The following MACF1 variants were observed in gnomAD, a reference collection of about 807,000 sequenced individuals.
MACF1 encodes microtubule-actin cross-linking factor 1.
In MACF1, 193 loss-of-function variants were observed where a neutral mutation model predicts 854.8. The ratio of observed to expected loss-of-function variants is 0.23; its 90% CI spans 0.20 to 0.25. The LOEUF (loss-of-function observed/expected upper bound fraction) is 0.25, where lower values mean the gene tolerates loss of function less well. Among genes scored for constraint, MACF1 ranks in the 10% least tolerant of loss-of-function variants. The pLI is 1.00. For missense variants in MACF1, 7,722 were observed against 8,929.1 expected, an observed-to-expected ratio of 0.86 and a Z score of 5.45; for synonymous variants, 3,185 against 3,226.7, an observed-to-expected ratio of 0.99 and a Z score of 0.44.
At chr1:39,327,702 A>G (rs1327253555) in intron 36 of MACF1, among the ~76,000 whole-genome samples, 1 of 152,214 alleles carries the variant, frequency 6.6e-6, no homozygotes, top group Non-Finnish European at 1.5e-5. Context: ...TCAAAAGTTG[A>G]TAGCCAAAAG....
intron 2 of MACF1, among the ~76,000 whole-genome samples, chr1:39,190,868 C>T (rs1470553840): frequency 6.6e-6 from 1 of 151,820 alleles, no homozygotes. Flanking sequence ...GGTGGTGTGC[C>T]TGTAATCCCA....
intron 2 of MACF1, among the ~76,000 whole-genome samples, chr1:39,114,804 G>A (rs1289251389): frequency 6.6e-6 from 1 of 152,170 alleles, no homozygotes; most frequent in Admixed American, 6.6e-5. Flanking sequence ...TGATGCTGTG[G>A]TAGTGAAGAG....
At chr1:39,449,263 C>G (rs1285340147) in intron 84 of MACF1, among the ~76,000 whole-genome samples, 2 of 152,202 alleles carry the variant, frequency 1.3e-5, no homozygotes, top group African/African-American at 2.4e-5. Flanking sequence ...CTTAACTCCC[C>G]TAAGGTCACT....
chr1:39,307,108 C>A (rs992713666), intron 23 of MACF1, among the ~76,000 whole-genome samples: 2 of 151,918 alleles, frequency 1.3e-5, no homozygotes, highest in African/African-American at 2.4e-5. Context: ...CTCCTGACCT[C>A]AAGTAGTCTG....
chr1:39,393,536 C>T (rs1642139431), intron 58 of MACF1, among the ~76,000 whole-genome samples: 1 of 152,020 alleles, frequency 6.6e-6, no homozygotes, highest in African/African-American at 2.4e-5. Context: ...GGGCCAGGCA[C>T]AGTGGCTCAC....
At chr1:39,311,257 T>G (rs1309504656) in intron 26 of MACF1, among the ~76,000 whole-genome samples, 1 of 152,218 alleles carries the variant, frequency 6.6e-6, no homozygotes, top group Admixed American at 6.5e-5. Flanking sequence ...AAGCAGTATA[T>G]TTGGGCTATG....
At chr1:39,456,039 CTA>C (rs1368470487) in intron 89 of MACF1, among the ~76,000 whole-genome samples, 1 of 152,108 alleles carries the variant, frequency 6.6e-6, no homozygotes, top group Non-Finnish European at 1.5e-5. Context: ...TCAGTAGAAA[CTA>C]TACAATTAGA....
At chr1:39,191,206 T>C (rs1304206211) in intron 2 of MACF1, among the ~76,000 whole-genome samples, 1 of 151,064 alleles carries the variant, frequency 6.6e-6, no homozygotes, top group African/African-American at 2.4e-5. Context: ...TTTCTTTTTT[T>C]TTTTTTTTTT....
intron 2 of MACF1, among the ~76,000 whole-genome samples, chr1:39,141,419 T>C (rs963585365): frequency 1.3e-5 from 2 of 152,154 alleles, no homozygotes; most frequent in Non-Finnish European, 2.9e-5. Flanking sequence ...GTGTAGCATA[T>C]AGGTGTTAAG....
chr1:39,094,326 C>T (rs1337194714), intron 2 of MACF1, among the ~76,000 whole-genome samples: 1 of 151,062 alleles, frequency 6.6e-6, no homozygotes, highest in Non-Finnish European at 1.5e-5. Context: ...CGCTTGAACG[C>T]GGGAGGTGGA....
intron 52 of MACF1, among the ~76,000 whole-genome samples, chr1:39,377,631 G>C (rs1649838033): frequency 6.6e-6 from 1 of 152,100 alleles, no homozygotes; most frequent in African/African-American, 2.4e-5. Flanking sequence ...AGCAAGAAGA[G>C]GTTATGAAAG....
chr1:39,387,851 G>A lies in MACF1; in HGVS notation c.15009G>A (p.Gly5003=). The change falls in exon 58 of 101, where the codon GGG becomes GGA. Residue 5003 remains glycine, a synonymous_variant. Transcript: ENST00000564288. The part of the protein sequence containing the change: ...AVTEELQAKT[G]SLEEMTQRLR... ...CAGAAGAGCTGCAGGCCAAAACAGGGTCACTCGAAGAAATGACTCAGAGGC... is the reference window on the plus strand; with the variant it reads ...CAGAAGAGCTGCAGGCCAAAACAGGATCACTCGAAGAAATGACTCAGAGGC... The A allele has an allele frequency of 6.2e-7, 1 of 1,614,034 alleles. No individual in the cohort carries two copies. Among genetic ancestry groups the A allele is most frequent in the East Asian group, 2.2e-5 (1 of 44,878 alleles).
intron 22 of MACF1, among the ~76,000 whole-genome samples, chr1:39,302,624 G>A (rs559569705): frequency 6.6e-6 from 1 of 152,290 alleles, no homozygotes; most frequent in African/African-American, 2.4e-5. Context: ...TTTTTGTGCT[G>A]AGATCGCTCT....
rs577171507 is a variant in MACF1, at chr1:39,456,204, G to A, written c.21075+1107G>A. ...TAAAAATTAGTCGGGTGTGGTTGTGGTTGCCTGTAATCCCAGCTACTCAGG... is the reference window on the plus strand; with the variant it reads ...TAAAAATTAGTCGGGTGTGGTTGTGATTGCCTGTAATCCCAGCTACTCAGG... On this transcript the variant is annotated intron_variant, in intron 89 of 100. Coordinates refer to ENST00000564288, the MANE Select transcript of MACF1 (RefSeq NM_001394062.1). 2.6e-5 allele frequency among the ~76,000 whole-genome samples: 4 copies of A among 152,232 alleles called. No homozygotes were observed. In the East Asian group the frequency reaches 5.8e-4, roughly 22 times the overall value.
chr1:39,381,675 A>G (rs1569813988), intron 55 of MACF1, among the ~76,000 whole-genome samples: 1 of 152,214 alleles, frequency 6.6e-6, no homozygotes, highest in South Asian at 2.1e-4. Context: ...TACAAAAAAT[A>G]AAAAATTAAC....
At position 39,266,369 on chromosome 1, in the gene MACF1, C is replaced by T. The variant is rs187986729; in HGVS notation, c.528+8341C>T. On this transcript the variant is annotated intron_variant, in intron 6 of 100. Transcript: ENST00000564288. The stretch of plus-strand genomic sequence containing the variant: ...GATTCTTTGTTAATTAAATGATTTG[C>T]AGTAGCATGAGTTTCTCTCCCATGC... Among the ~76,000 whole-genome samples, 4 of 152,282 alleles carry T rather than the reference C, an allele frequency of 2.6e-5. No individual in the cohort carries two copies. In the East Asian group the frequency reaches 5.8e-4, roughly 22 times the overall value.
In MACF1 at chr1:39,459,069, A is replaced by G. The variant is rs2124033688; in HGVS notation, c.21197-17A>G. ...ACTAACCAGCTGTTCTAATCTTGTG[A>G]TTATTTTTCCTTTTAGGGAAATCCC... On this transcript the variant is annotated splice_polypyrimidine_tract_variant and intron_variant, in intron 90 of 100. Coordinates refer to ENST00000564288, the MANE Select transcript of MACF1 (RefSeq NM_001394062.1). 1.2e-6 allele frequency: 2 copies of G among 1,604,136 alleles called. No individual in the cohort carries two copies. The highest frequency in any genetic ancestry group is 8.5e-7 in the Non-Finnish European group (1 of 1,175,548).
intron 14 of MACF1, among the ~76,000 whole-genome samples, chr1:39,286,454 T>C (rs1645645398): frequency 6.6e-6 from 1 of 151,462 alleles, no homozygotes; most frequent in Non-Finnish European, 1.5e-5. Context: ...TAAAGTCATG[T>C]GGCTAGTTTT....
chr1:39,246,558 G>C (rs1229565898), intron 2 of MACF1, among the ~76,000 whole-genome samples: 1 of 152,024 alleles, frequency 6.6e-6, no homozygotes, highest in Non-Finnish European at 1.5e-5. Context: ...GCCCGGGCTG[G>C]AGTACAATGG....
Sources: gnomAD v4.1 joint callset for allele counts (sites outside exome capture counted in the v4.1 genomes callset) on GRCh38, gnomAD v4.1.1 for gene constraint, MANE v1.5 for transcripts, NCBI Gene and HGNC (gene_info 2026-07-23, HGNC 2026-07-21) for gene names.